The following PLXNB1 variants were observed in gnomAD, a reference collection of about 807,000 sequenced individuals.
PLXNB1 encodes the protein plexin-B1.
PLXNB1 carries 106 observed loss-of-function variants against 209.4 expected under a neutral mutation model. That is an observed-to-expected ratio of 0.51 (90% CI 0.43 to 0.59). The LOEUF is 0.59. Among genes scored for constraint, PLXNB1 ranks in the 20% least tolerant of loss-of-function variants. The pLI is 0.00. For synonymous variants in PLXNB1, 1,167 were observed against 1,183.2 expected (o/e 0.99, Z 0.28); for missense variants, 2,357 against 2,853.2 (o/e 0.83, Z 3.96).
Position 48,423,633 on chromosome 3 carries a change from C to T in PLXNB1, c.979G>A (p.Asp327Asn). 6.2e-7 allele frequency: 1 copy of T among 1,614,232 alleles called. No homozygotes were observed. Residue 327 changes from aspartate (D) to asparagine (N), a missense_variant, in exon 3 of 38, where the codon GAT becomes AAT. Coordinates refer to ENST00000296440, the MANE Select transcript of PLXNB1 (RefSeq NM_001130082.3). The part of the protein sequence containing the change: ...GASALCAFPL[D>N]EVDRLANRTR... ...CGATTAGCAAGCCGGTCCACCTCATCCAGGGGGAAGGCACAGAGGGCAGAG... is the reference window on the plus strand; with the variant it reads ...CGATTAGCAAGCCGGTCCACCTCATTCAGGGGGAAGGCACAGAGGGCAGAG...
chr3:48,421,634 G>A (rs369252709), intron 7 of PLXNB1, 40 bp downstream of exon 7: 19 of 1,563,794 alleles, frequency 1.2e-5, no homozygotes, highest in Non-Finnish European at 1.6e-5. Context: ...TTGATGCCCA[G>A]AGCCCTCCCC....
chr3:48,423,593 C>A lies in PLXNB1; in HGVS notation c.1019G>T (p.Cys340Phe). The stretch of plus-strand genomic sequence containing the variant: ...CTCAGCACGACCCTCCCGGGTGTAG[C>A]AGGCATCTCGCGTGCGATTAGCAAG... ...DRLANRTRDA[C>F]YTREGRAEDG... is the part of the protein sequence containing the mutation. Residue 340 changes from cysteine to phenylalanine, a missense_variant, in exon 3 of 38, where the codon TGC (cysteine) becomes TTC (phenylalanine). Cys to Phe is a radical substitution (Grantham distance 205). This residue lies in a region of PLXNB1 where 404 missense variants were observed against 443.6 expected (regional missense o/e 0.91). Coordinates refer to ENST00000296440, the MANE Select transcript of PLXNB1 (RefSeq NM_001130082.3). 6.2e-7 allele frequency: 1 copy of A among 1,614,236 alleles called. No homozygotes were observed. The highest frequency in any genetic ancestry group is 1.3e-5 in the African/African-American group (1 of 75,062).
At chr3:48,421,518 A>T (rs2038517194) in intron 7 of PLXNB1, 134 bp from the exon 8 acceptor site, 1 of 1,216,452 alleles carries the variant, frequency 8.2e-7, no homozygotes, top group Non-Finnish European at 1.1e-6. Context: ...CTCTGGCCTG[A>T]GTTAGAAATA....
In PLXNB1 at chr3:48,422,369, C is replaced by A; in HGVS notation, c.1381G>T (p.Gly461Trp). The A allele has an allele frequency of 6.2e-7, 1 of 1,609,670 alleles. No homozygotes were observed. Residue 461 changes from glycine to tryptophan, a missense_variant, in exon 5 of 38, where the codon GGG becomes TGG. Coordinates refer to ENST00000296440, the MANE Select transcript of PLXNB1 (RefSeq NM_001130082.3). ...ATGACATACAGGTGCTCAAAGGTCC[C>A]ATCAAAGGTGAGGTCTCTGCTCACT... ...SAVSRDLTFD[G>W]TFEHLYVMTQ...
chr3:48,407,188 G>C, intron 34 of PLXNB1, 97 bp from the exon 35 acceptor site: 1 of 1,139,682 alleles, frequency 8.8e-7, no homozygotes, highest in Non-Finnish European at 1.3e-6. Context: ...TACTGCTTCA[G>C]TTTTGAAAAG....
intron 27 of PLXNB1, 30 bp from the exon 28 acceptor site, chr3:48,412,039 C>T: frequency 2.5e-6 from 4 of 1,612,392 alleles, no homozygotes; most frequent in Non-Finnish European, 3.4e-6. Flanking sequence ...TAGGGCCCCC[C>T]AGCAGGTGGC....
intron 27 of PLXNB1, 102 bp from the exon 28 acceptor site, chr3:48,412,111 G>C: frequency 6.7e-7 from 1 of 1,483,072 alleles, no homozygotes; most frequent in Non-Finnish European, 9.4e-7. Flanking sequence ...TAAGGGGACT[G>C]AGGACAGGCT....
In PLXNB1 at chr3:48,419,212, T is replaced by G. The variant is rs1468432437; in HGVS notation, c.2832+32A>C. 10 of 1,545,842 alleles carry G rather than the reference T, an allele frequency of 6.5e-6. No homozygotes were observed. Among genetic ancestry groups the G allele is most frequent in the African/African-American group, 1.4e-5 (1 of 73,250 alleles). On this transcript the variant is annotated intron_variant, in intron 12 of 37. Transcript: ENST00000296440. The surrounding 1 kb of genome is among the most constrained non-coding windows in gnomAD (Gnocchi z 5.7). ...AGAGTTTCTCAACAGCTAAGGAGGC[T>G]GCAAGGACAGCGGCAGGCAGGACAC...
At position 48,421,667 on chromosome 3, in the gene PLXNB1, C is replaced by A; in HGVS notation, c.1653+7G>T. ...CCCACCAGGGCCCTGCCTATCTGAT[C>A]ATTCACCTCCCTCGTCTCCTCTCGG... is the stretch of plus-strand genomic sequence containing the variant. On this transcript the variant is annotated splice_region_variant and intron_variant, in intron 7 of 37. Coordinates refer to ENST00000296440, the MANE Select transcript of PLXNB1 (RefSeq NM_001130082.3). 6.3e-7 allele frequency: 1 copy of A among 1,592,468 alleles called. No homozygotes were observed. Among genetic ancestry groups the A allele is most frequent in the South Asian group, 1.1e-5 (1 of 90,356 alleles).
Position 48,422,178 on chromosome 3 carries a change from C to T in PLXNB1, c.1447G>A (p.Ala483Thr), listed in dbSNP as rs751830836. Residue 483 changes from alanine (A) to threonine (T), a missense_variant, in exon 6 of 38, where the codon GCT becomes ACT. Ala to Thr is a moderately conservative substitution (Grantham distance 58). Transcript: ENST00000296440. ...CAAGATGCACAGTCCAGGTGCTGAG[C>T]ACAGGAAGCCACAGGAACCTTCAGA... Reference protein sequence around the residue: ...TLLKVPVASCAQHLDCASCLA... With the variant: ...TLLKVPVASCTQHLDCASCLA... 1.2e-6 allele frequency: 2 copies of T among 1,614,096 alleles called. No individual in the cohort carries two copies. Among genetic ancestry groups the T allele is most frequent in the Middle Eastern group, 3.3e-4 (2 of 6,058 alleles).
chr3:48,419,524 G>C lies in PLXNB1; in HGVS notation c.2709+53C>G, dbSNP rs1473040873. 2 of 1,543,056 alleles carry C rather than the reference G, an allele frequency of 1.3e-6. No homozygotes were observed. Among genetic ancestry groups the C allele is most frequent in the Admixed American group, 3.6e-5 (2 of 55,424 alleles). ...AGAATCACAAGGCAAGCTAGGGGTA[G>C]CATCTTCCCCACATCCCCTCCCCTG... On this transcript the variant is annotated intron_variant, in intron 11 of 37. Transcript: ENST00000296440. The surrounding 1 kb of genome is among the most constrained non-coding windows in gnomAD (Gnocchi z 5.7).
At chr3:48,421,871 A>T in intron 6 of PLXNB1, 65 bp from the exon 7 acceptor site, 1 of 1,551,360 alleles carries the variant, frequency 6.4e-7, no homozygotes, top group Non-Finnish European at 8.7e-7. Flanking sequence ...TAGGGTAGGG[A>T]CTCCTACAAT....
chr3:48,423,339 T>A (rs1301418629), intron 3 of PLXNB1, among the ~76,000 whole-genome samples, 166 bp downstream of exon 3: 1 of 152,084 alleles, frequency 6.6e-6, no homozygotes, highest in Non-Finnish European at 1.5e-5. Context: ...TGTGGTAAGG[T>A]ACCCTTCCAC....
chr3:48,412,220 C>A lies in PLXNB1; in HGVS notation c.5100+18G>T. On this transcript the variant is annotated intron_variant, in intron 27 of 37. Transcript: ENST00000296440. ...GACCCTCCCTGGACAGGAGCCCTGTCCACCTCTGCCCCCTCACCCTCACGA... is the reference window on the plus strand; with the variant it reads ...GACCCTCCCTGGACAGGAGCCCTGTACACCTCTGCCCCCTCACCCTCACGA... 1 of 1,613,060 alleles carries A rather than the reference C, an allele frequency of 6.2e-7. No homozygotes were observed. Among genetic ancestry groups the A allele is most frequent in the African/African-American group, 1.3e-5 (1 of 75,022 alleles).
rs1183612455 is a variant in PLXNB1 at position 48,423,493 on chromosome 3, A to G, written c.1107+12T>C. ...CAGAGAGGCGGAAAAGTGGGGCAAT[A>G]CTGGAACTCACCACTGGCAGCTGTG... On this transcript the variant is annotated intron_variant, in intron 3 of 37. Transcript: ENST00000296440. The G allele has an allele frequency of 1.2e-6, 2 of 1,607,628 alleles. No individual in the cohort carries two copies. Among genetic ancestry groups the G allele is most frequent in the African/African-American group, 1.3e-5 (1 of 74,814 alleles).
chr3:48,406,528 C>G lies in PLXNB1; in HGVS notation c.6228+295G>C. On this transcript the variant is annotated intron_variant, in intron 36 of 37. Coordinates refer to ENST00000296440, the MANE Select transcript of PLXNB1 (RefSeq NM_001130082.3). This position sits in a 1 kb window ranked among gnomAD's most constrained non-coding sequence, Gnocchi z 4.4. ...AAGCACAGCAGTGGGAAGACGCATG[C>G]AGGCAGACCCAGGCAGGCCTGGGGC... 5.1e-6 allele frequency: 5 copies of G among 976,658 alleles called. No individual in the cohort carries two copies. Among genetic ancestry groups the G allele is most frequent in the Non-Finnish European group, 6.1e-6 (5 of 822,002 alleles). The allele number at this position is 976,658 out of a possible 1,614,324, so 60.5% of individuals were successfully genotyped here.
Position 48,406,715 on chromosome 3 carries a change from G to A in PLXNB1, c.6228+108C>T, listed in dbSNP as rs938783427. 1 of 1,467,816 alleles carries A rather than the reference G, an allele frequency of 6.8e-7. No homozygotes were observed. The highest frequency in any genetic ancestry group is 1.4e-5 in the African/African-American group (1 of 70,742). The allele number at this position is 1,467,816 out of a possible 1,614,324, so 90.9% of individuals were successfully genotyped here. Reference sequence around the variant, plus strand: ...GTTTCCTGCCCCAACCAGCTCACAGGGCTGCTGAGGTTCCCAAGGGCTTCC... The same window carrying A: ...GTTTCCTGCCCCAACCAGCTCACAGAGCTGCTGAGGTTCCCAAGGGCTTCC... On this transcript the variant is annotated intron_variant, in intron 36 of 37. Transcript: ENST00000296440. This position sits in a 1 kb window ranked among gnomAD's most constrained non-coding sequence, Gnocchi z 4.4.
chr3:48,422,255 C>A (rs369611124), intron 5 of PLXNB1, 50 bp from the exon 6 acceptor site: 19 of 1,610,652 alleles, frequency 1.2e-5, no homozygotes, highest in Non-Finnish European at 1.5e-5. Flanking sequence ...ACCAGTGGCT[C>A]ACCCACAAGT....
In PLXNB1 at chr3:48,429,676, C is replaced by T. The variant is rs1168969230; in HGVS notation, c.-60+332G>A. ...GGGGCGGGCTGCACCGCGGCGGTCG[C>T]CATGGCAACGCGGGTCGCCCGGAGG... On this transcript the variant is annotated intron_variant, in intron 1 of 37. Coordinates refer to ENST00000296440, the MANE Select transcript of PLXNB1 (RefSeq NM_001130082.3). The surrounding 1 kb of genome is among the most constrained non-coding windows in gnomAD (Gnocchi z 6.4). 6.6e-6 allele frequency among the ~76,000 whole-genome samples: 1 copy of T among 152,016 alleles called. No homozygotes were observed. The highest frequency in any genetic ancestry group is 1.5e-5 in the Non-Finnish European group (1 of 67,968).
Sources: gnomAD v4.1 joint callset for allele counts (sites outside exome capture counted in the v4.1 genomes callset) on GRCh38, gnomAD v4.1.1 for gene constraint, gnomAD v4.1.1 regional missense constraint, Gnocchi (gnomAD v3.1) non-coding constraint, MANE v1.5 for transcripts, NCBI Gene and HGNC (gene_info 2026-07-23, HGNC 2026-07-21) for gene names.